SLC37A1: variants seen among roughly 807,000 people sequenced by gnomAD.
SLC37A1 encodes the protein glucose-6-phosphate exchanger SLC37A1.
A neutral mutation model predicts 75.3 loss-of-function variants in SLC37A1; 49 were observed. The observed-to-expected ratio is 0.65, with a 90% confidence interval of 0.52 to 0.83. The LOEUF is 0.83. Among genes scored for constraint, SLC37A1 ranks in the 40% least tolerant of loss-of-function variants. The pLI is 0.00. For synonymous variants in SLC37A1, 268 were observed against 292.1 expected (o/e 0.92, Z 0.84); for missense variants, 566 against 695.0 (o/e 0.81, Z 2.09).
intron 1 of SLC37A1, among the ~76,000 whole-genome samples, chr21:42,515,747 T>G (rs1341938269): frequency 6.6e-6 from 1 of 152,140 alleles, no homozygotes; most frequent in African/African-American, 2.4e-5. Context: ...ATGGGCTGTT[T>G]CCTAAGTTAC....
intron 5 of SLC37A1, among the ~76,000 whole-genome samples, chr21:42,536,502 T>C (rs919268582): frequency 1.3e-5 from 2 of 152,226 alleles, no homozygotes; most frequent in African/African-American, 4.8e-5. Context: ...TATAGGGATG[T>C]TCTAGCCCAT....
intron 12 of SLC37A1, among the ~76,000 whole-genome samples, chr21:42,562,457 A>G (rs1379399695): frequency 6.6e-6 from 1 of 152,142 alleles, no homozygotes; most frequent in Non-Finnish European, 1.5e-5. Flanking sequence ...CTGCGTTTAA[A>G]CGTGGGCTAC....
chr21:42,519,862 G>A lies in SLC37A1; in HGVS notation c.56+1352G>A, dbSNP rs1354591889. On this transcript the variant is annotated intron_variant, in intron 2 of 19. Coordinates refer to ENST00000352133, the MANE Select transcript of SLC37A1 (RefSeq NM_001320537.2). ...TATTTTGATATAATTTCAAACTCAC[G>A]TAACTTACTAACATCTGTAAGAATG... Among the ~76,000 whole-genome samples the A allele has an allele frequency of 3.3e-5, 5 of 152,218 alleles. No individual in the cohort carries two copies. In the South Asian group the frequency reaches 6.2e-4, roughly 19 times the overall value.
chr21:42,518,430 GGCTCAGTGGTCAGT>G lies in SLC37A1; in HGVS notation c.-23_-10del. On this transcript the variant is annotated 5_prime_UTR_variant, in exon 2 of 20. It introduces an in-frame stop codon into an upstream open reading frame of the 5' UTR. Transcript: ENST00000352133. ...ATGAAGCATCTTATTCTGCGACCGAGGCTCAGTGGTCAGTGGCGACGTAAATGGCTCGACTCCCC... is the reference window on the plus strand; with the variant it reads ...ATGAAGCATCTTATTCTGCGACCGAGGGCGACGTAAATGGCTCGACTCCCC... The G allele has an allele frequency of 1.9e-6, 3 of 1,614,056 alleles. No homozygotes were observed. Among genetic ancestry groups the G allele is most frequent in the Middle Eastern group, 1.7e-4 (1 of 6,060 alleles).
upstream of SLC37A1, among the ~76,000 whole-genome samples, chr21:42,512,076 C>CA (rs35096877): frequency 4.9e-4 from 71 of 146,120 alleles, 1 homozygote; most frequent in East Asian, 1.0e-3. Flanking sequence ...TTCTCACCAC[C>CA]AAAAAAAAAA....
At chr21:42,539,328 G>A (rs549050959) in intron 5 of SLC37A1, among the ~76,000 whole-genome samples, 184 bp from the exon 6 acceptor site, 19 of 152,306 alleles carry the variant, frequency 1.2e-4, no homozygotes, top group African/African-American at 3.4e-4. Context: ...CCAGTCTCTG[G>A]TTTCTGGTGA....
At chr21:42,567,758 C>T (rs1356937025) in intron 16 of SLC37A1, among the ~76,000 whole-genome samples, 1 of 152,030 alleles carries the variant, frequency 6.6e-6, no homozygotes, top group Non-Finnish European at 1.5e-5. Context: ...ATCTTTTTCC[C>T]CTCCTATTGT....
At chr21:42,502,852 G>A (rs2054352878) in intron 2 of SLC37A1, 1 of 152,086 alleles carries the variant, frequency 6.6e-6, no homozygotes, top group Non-Finnish European at 1.5e-5. Flanking sequence ...CACAGAACTT[G>A]ACACATACCA....
chr21:42,559,199 G>A lies in SLC37A1; in HGVS notation c.981+110G>A, dbSNP rs773087205. On this transcript the variant is annotated intron_variant, in intron 11 of 19. Coordinates refer to ENST00000352133, the MANE Select transcript of SLC37A1 (RefSeq NM_001320537.2). ...AAAGACATCTGTGGTTGTAGAACCC[G>A]GGGATTCGAATCCATAGCCAAAGCT... 98 of 1,387,232 alleles carry A rather than the reference G, an allele frequency of 7.1e-5. 1 individual carries two copies. In the South Asian group the frequency reaches 7.5e-4, roughly 11 times the overall value. 85.9% of individuals were successfully genotyped at this position (1,387,232 alleles called of 1,614,324 possible).
At chr21:42,558,482 A>G (rs2055745423) in intron 10 of SLC37A1, among the ~76,000 whole-genome samples, 1 of 152,202 alleles carries the variant, frequency 6.6e-6, no homozygotes. Context: ...TAGATCCTAT[A>G]GTTGCCTAGT....
At chr21:42,575,703 GA>G (rs2056294318) in intron 18 of SLC37A1, 1 of 985,302 alleles carries the variant, frequency 1.0e-6, no homozygotes, top group Non-Finnish European at 1.2e-6. Context: ...CAATAAAAAT[GA>G]GTTGAGAATT....
intron 3 of SLC37A1, among the ~76,000 whole-genome samples, chr21:42,529,381 C>T (rs2054882586): frequency 6.6e-6 from 1 of 151,940 alleles, no homozygotes; most frequent in African/African-American, 2.4e-5. Context: ...ACCAGCCTGA[C>T]CATCTCTACT....
intron 1 of SLC37A1, among the ~76,000 whole-genome samples, chr21:42,501,166 A>G (rs565438606): frequency 6.6e-6 from 1 of 152,254 alleles, no homozygotes; most frequent in Non-Finnish European, 1.5e-5. Context: ...ATTAAATGTT[A>G]GATATTATTT....
In SLC37A1 at chr21:42,577,634, G is replaced by A. The variant is rs150968871; in HGVS notation, c.1522-2102G>A. Among the ~76,000 whole-genome samples the A allele has an allele frequency of 1.4e-3, 217 of 152,268 alleles. 3 individuals are homozygous for A. The highest frequency in any genetic ancestry group is 4.7e-3 in the African/African-American group (195 of 41,546). On this transcript the variant is annotated intron_variant, in intron 18 of 19. Coordinates refer to ENST00000352133, the MANE Select transcript of SLC37A1 (RefSeq NM_001320537.2). ...AAGACTTAATCTAAGAGAACCTAGG[G>A]TCAGGGGAAGCATAGAAAAAAACAG...
Position 42,545,195 on chromosome 21 carries a change from A to G in SLC37A1, c.730+1593A>G, listed in dbSNP as rs764554889. Among the ~76,000 whole-genome samples the G allele has an allele frequency of 2.0e-5, 3 of 152,190 alleles. No homozygotes were observed. Among genetic ancestry groups the G allele is most frequent in the Non-Finnish European group, 4.4e-5 (3 of 68,036 alleles). On this transcript the variant is annotated intron_variant, in intron 8 of 19. Transcript: ENST00000352133. The surrounding 1 kb of genome is among the most constrained non-coding windows in gnomAD (Gnocchi z 4.0). ...GCCACAGGCCCACTCACCTACAGGA[A>G]GGCTGCATGCTTCATCTCTAGCCAA...
chr21:42,557,308 G>T (rs906616330), intron 10 of SLC37A1, among the ~76,000 whole-genome samples: 1 of 152,240 alleles, frequency 6.6e-6, no homozygotes, highest in African/African-American at 2.4e-5. Flanking sequence ...GGGGCTGGGG[G>T]AATTCGAGGC....
Position 42,569,047 on chromosome 21 carries a change from G to T in SLC37A1, c.1423+609G>T, listed in dbSNP as rs190200272. 5.9e-4 allele frequency among the ~76,000 whole-genome samples: 90 copies of T among 152,340 alleles called. 1 individual carries two copies. Among genetic ancestry groups the T allele is most frequent in the African/African-American group, 2.1e-3 (88 of 41,582 alleles). On this transcript the variant is annotated intron_variant, in intron 17 of 19. Transcript: ENST00000352133. ...GCGAAAATCAGGAGTTGCCACACCT[G>T]CCAGGTGAAGATCAGGAGGGTCCTT... is the stretch of plus-strand genomic sequence containing the variant.
At chr21:42,513,725 C>G (rs2054465124), upstream of SLC37A1, among the ~76,000 whole-genome samples, 1 of 147,218 alleles carries the variant, frequency 6.8e-6, no homozygotes, top group Non-Finnish European at 1.5e-5. Context: ...ACCCTGGGCA[C>G]GCCGGGGCCG....
At position 42,562,214 on chromosome 21, in the gene SLC37A1, G is replaced by T. The variant is rs752919085; in HGVS notation, c.1072+46G>T. On this transcript the variant is annotated intron_variant, in intron 12 of 19. Transcript: ENST00000352133. ...ACATTAAATTCCGCACAGTGACTGG[G>T]GTCCGAAGTCTCTTCTGTCTGCTGG... The T allele has an allele frequency of 3.2e-6, 5 of 1,545,856 alleles. No homozygotes were observed. The South Asian group carries it at 5.6e-5, about 17-fold the overall frequency.
Sources: allele counts gnomAD v4.1 joint callset (sites outside exome capture counted in the v4.1 genomes callset), GRCh38; gene constraint gnomAD v4.1.1; non-coding constraint Gnocchi (gnomAD v3.1); transcripts MANE v1.5; gene names NCBI Gene and HGNC (gene_info 2026-07-23, HGNC 2026-07-21).